GLRA2: variants seen among roughly 807,000 people sequenced by gnomAD.
GLRA2 encodes the protein glycine receptor alpha 2, also known as glycine receptor subunit alpha-2.
A neutral mutation model predicts 31.6 loss-of-function variants in GLRA2; 11 were observed. That is an observed-to-expected ratio of 0.35 (90% CI 0.22 to 0.58). The LOEUF is 0.58. GLRA2 is among the 20% of genes least tolerant of loss of function. The pLI is 0.84. For synonymous variants in GLRA2, 132 were observed against 134.0 expected (o/e 0.99, Z 0.10); for missense variants, 212 against 351.8 (o/e 0.60, Z 3.18).
chrX:14,456,552 T>A, the GLRA2 span, among the ~76,000 whole-genome samples: 2 of 112,006 alleles, frequency 1.8e-5, no homozygotes, highest in Non-Finnish European at 3.8e-5. Context: ...TGGTCTACTT[T>A]TTATTTCTGC....
chrX:14,509,189 G>A, the GLRA2 span, among the ~76,000 whole-genome samples: 1 of 112,175 alleles, frequency 8.9e-6, no homozygotes, highest in Admixed American at 9.4e-5. Context: ...AGCCCTTAGG[G>A]ATACAAAAGT....
At chrX:14,601,944 A>C (rs946546775) in intron 4 of GLRA2, among the ~76,000 whole-genome samples, 3 of 111,774 alleles carry the variant, frequency 2.7e-5, no homozygotes, top group Non-Finnish European at 5.7e-5. Flanking sequence ...GAAGCAGTCA[A>C]CTTTAGAAAA....
At chrX:14,597,654 G>A (rs1479786921) in intron 4 of GLRA2, among the ~76,000 whole-genome samples, 2 of 111,721 alleles carry the variant, frequency 1.8e-5, no homozygotes, top group African/African-American at 6.5e-5. Flanking sequence ...CAACTAAGGT[G>A]TCTATGACCA....
intron 7 of GLRA2, among the ~76,000 whole-genome samples, chrX:14,614,542 A>G (rs1249937320): frequency 9.0e-6 from 1 of 111,670 alleles, no homozygotes; most frequent in Non-Finnish European, 1.9e-5. Context: ...TAGGCTCACT[A>G]AGAACTTGTG....
intron 7 of GLRA2, among the ~76,000 whole-genome samples, chrX:14,620,583 G>A (rs1187081952): frequency 9.0e-6 from 1 of 111,256 alleles, no homozygotes; most frequent in African/African-American, 3.3e-5. Context: ...GGACTTAAGA[G>A]GCCATGAACT....
the GLRA2 span, among the ~76,000 whole-genome samples, chrX:14,494,861 G>A: frequency 8.9e-5 from 10 of 111,888 alleles, no homozygotes; most frequent in African/African-American, 2.6e-4. Flanking sequence ...GAAAACTAGT[G>A]AGGGTCAGGA....
the GLRA2 span, among the ~76,000 whole-genome samples, chrX:14,475,648 A>AC: frequency 9.0e-6 from 1 of 111,174 alleles, no homozygotes; most frequent in Non-Finnish European, 1.9e-5. Flanking sequence ...CAACTTTCCT[A>AC]CCTCTATCCA....
intron 8 of GLRA2, among the ~76,000 whole-genome samples, chrX:14,695,406 A>G (rs749161080): frequency 8.9e-6 from 1 of 112,463 alleles, no homozygotes; most frequent in Non-Finnish European, 1.9e-5. Context: ...TTCACATTGC[A>G]GTGAAAGGAG....
chrX:14,595,271 A>G (rs899419450), intron 4 of GLRA2, among the ~76,000 whole-genome samples: 7 of 112,139 alleles, frequency 6.2e-5, no homozygotes, highest in Non-Finnish European at 1.3e-4. Flanking sequence ...CTTAATAGTC[A>G]AAGAAGCCTT....
At chrX:14,513,776 C>T in the GLRA2 span, among the ~76,000 whole-genome samples, 48 of 111,435 alleles carry the variant, frequency 4.3e-4, no homozygotes, top group African/African-American at 1.5e-3. Flanking sequence ...TAGATGTTGG[C>T]ATGGATGTGG....
intron 8 of GLRA2, among the ~76,000 whole-genome samples, chrX:14,725,938 A>G (rs1275444944): frequency 8.9e-6 from 1 of 112,629 alleles, no homozygotes; most frequent in Non-Finnish European, 1.9e-5. Context: ...TTCTGTGAGA[A>G]TTTAACTAAT....
At chrX:14,548,334 C>A (rs2089508354) in intron 2 of GLRA2, among the ~76,000 whole-genome samples, 1 of 111,700 alleles carries the variant, frequency 9.0e-6, no homozygotes, top group South Asian at 3.7e-4. Flanking sequence ...TGTAACACAG[C>A]TGCTGCCCTT....
the GLRA2 span, among the ~76,000 whole-genome samples, chrX:14,515,887 T>C: frequency 8.9e-6 from 1 of 111,932 alleles, no homozygotes; most frequent in African/African-American, 3.2e-5. Flanking sequence ...TTGAGATGTG[T>C]GTTGAAATTT....
At chrX:14,723,336 A>G (rs764392868) in intron 8 of GLRA2, among the ~76,000 whole-genome samples, 3 of 111,565 alleles carry the variant, frequency 2.7e-5, no homozygotes, top group African/African-American at 9.8e-5. Flanking sequence ...TTGCCCCTCT[A>G]TGTCTCTAGT....
the GLRA2 span, among the ~76,000 whole-genome samples, chrX:14,493,606 C>CATATATACATATATACGT: frequency 1.0e-5 from 1 of 99,363 alleles, no homozygotes; most frequent in African/African-American, 3.9e-5. Context: ...CATATATACA[C>CATATATACATATATACGT]ATATACACAT....
intron 7 of GLRA2, among the ~76,000 whole-genome samples, chrX:14,619,565 G>A (rs1329377529): frequency 9.9e-6 from 1 of 101,096 alleles, no homozygotes; most frequent in Non-Finnish European, 2.1e-5. Flanking sequence ...ATAGCCACTT[G>A]ACTACCTTCT....
chrX:14,698,109 G>C (rs1353460086), intron 8 of GLRA2, among the ~76,000 whole-genome samples: 1 of 111,871 alleles, frequency 8.9e-6, no homozygotes, highest in Non-Finnish European at 1.9e-5. Context: ...CAAATAGGGT[G>C]AGGCAAGTGA....
the GLRA2 span, among the ~76,000 whole-genome samples, chrX:14,495,626 C>T: frequency 9.2e-6 from 1 of 108,355 alleles, no homozygotes; most frequent in Non-Finnish European, 1.9e-5. Context: ...TATGTATGTA[C>T]ACATACATAT....
chrX:14,730,176 A>G (rs1163018607), intron 8 of GLRA2, 31 bp from the exon 9 acceptor site: 6 of 1,134,504 alleles, frequency 5.3e-6, no homozygotes, highest in Non-Finnish European at 7.2e-6. Context: ...CTGACAACCA[A>G]TCTGTGCTTC....
Sources: gnomAD v4.1 joint callset for allele counts (sites outside exome capture counted in the v4.1 genomes callset) on GRCh38, gnomAD v4.1.1 for gene constraint, MANE v1.5 for transcripts, NCBI Gene and HGNC (gene_info 2026-07-23, HGNC 2026-07-21) for gene names.